The following ELMO1 variants were observed in gnomAD, a reference collection of about 807,000 sequenced individuals.
ELMO1 encodes the protein engulfment and cell motility 1.
In ELMO1, 26 loss-of-function variants were observed where a neutral mutation model predicts 98.9. The ratio of observed to expected loss-of-function variants is 0.26; its 90% confidence interval spans 0.19 to 0.36. ELMO1 has a LOEUF of 0.36. ELMO1 is among the 10% of genes least tolerant of loss of function. The pLI is 1.00. For missense variants in ELMO1, 627 were observed against 935.2 expected, an observed-to-expected ratio of 0.67 and a Z score of 4.30; for synonymous variants, 346 against 346.0, an observed-to-expected ratio of 1.00 and a Z score of 0.00.
chr7:37,254,784 T>G (rs1372049029), intron 6 of ELMO1, among the ~76,000 whole-genome samples: 1 of 152,242 alleles, frequency 6.6e-6, no homozygotes, highest in Non-Finnish European at 1.5e-5. Context: ...AGTTAAGATA[T>G]TAATGAGTGT....
chr7:36,891,568 CAG>C (rs1384325977), intron 17 of ELMO1, among the ~76,000 whole-genome samples: 2 of 152,166 alleles, frequency 1.3e-5, no homozygotes, highest in Admixed American at 6.5e-5. Context: ...TACATATCAA[CAG>C]TATCACAACT....
At chr7:37,348,295 A>C (rs1801106178) in intron 1 of ELMO1, among the ~76,000 whole-genome samples, 1 of 152,206 alleles carries the variant, frequency 6.6e-6, no homozygotes, top group African/African-American at 2.4e-5. Context: ...ACTAAAATTT[A>C]AGAACCATTA....
intron 2 of ELMO1, among the ~76,000 whole-genome samples, chr7:37,336,301 G>A (rs1017534001): frequency 1.3e-5 from 2 of 152,092 alleles, no homozygotes; most frequent in Admixed American, 6.5e-5. Context: ...TAATACCTGT[G>A]AGACTCCTTT....
chr7:37,273,285 CT>C (rs781655352), intron 4 of ELMO1, among the ~76,000 whole-genome samples: 11 of 152,202 alleles, frequency 7.2e-5, no homozygotes, highest in Non-Finnish European at 1.5e-4. Flanking sequence ...ACAGAGGGAC[CT>C]TGGGGAAGGC....
intron 12 of ELMO1, 104 bp downstream of exon 12, chr7:37,213,231 T>C: frequency 7.0e-7 from 1 of 1,426,732 alleles, no homozygotes; most frequent in Non-Finnish European, 9.4e-7. Context: ...AATGACATCA[T>C]ATCAAACTCT....
At chr7:36,926,468 A>AC (rs1174606501) in intron 16 of ELMO1, among the ~76,000 whole-genome samples, 271 of 150,472 alleles carry the variant, frequency 1.8e-3, no homozygotes, top group African/African-American at 5.9e-3. Context: ...TCTTTGTGCG[A>AC]CCCCCCTAGA....
At chr7:37,223,195 G>A (rs1028248808) in intron 9 of ELMO1, among the ~76,000 whole-genome samples, 3 of 152,156 alleles carry the variant, frequency 2.0e-5, no homozygotes, top group Non-Finnish European at 4.4e-5. Flanking sequence ...AAGAACAGGT[G>A]TTTGTTTATA....
At chr7:37,271,358 G>A (rs1796550690) in intron 5 of ELMO1, 1 of 155,326 alleles carries the variant, frequency 6.4e-6, no homozygotes, top group Non-Finnish European at 1.4e-5. Flanking sequence ...GAGTAGGTGG[G>A]TAAAACCAAT....
At chr7:37,245,278 G>A (rs1794942893) in intron 6 of ELMO1, among the ~76,000 whole-genome samples, 1 of 152,126 alleles carries the variant, frequency 6.6e-6, no homozygotes, top group African/African-American at 2.4e-5. Context: ...ATAAGCCTCA[G>A]GACATCTCAC....
chr7:36,959,217 G>A (rs182777443), intron 16 of ELMO1, among the ~76,000 whole-genome samples: 67 of 151,652 alleles, frequency 4.4e-4, no homozygotes, highest in African/African-American at 1.5e-3. Context: ...CTTAGTCTAC[G>A]CCACATCTGC....
chr7:37,389,330 C>A (rs1336541586), intron 1 of ELMO1, among the ~76,000 whole-genome samples: 1 of 152,202 alleles, frequency 6.6e-6, no homozygotes, highest in Non-Finnish European at 1.5e-5. Flanking sequence ...TTAAGCAAAA[C>A]AGCCACATAA....
intron 4 of ELMO1, among the ~76,000 whole-genome samples, chr7:37,298,046 G>C (rs1583489004): frequency 6.6e-6 from 1 of 152,054 alleles, no homozygotes; most frequent in African/African-American, 2.4e-5. Context: ...TGCCTAATCT[G>C]TGTAAATGTT....
chr7:36,932,633 G>A (rs1285477292), intron 16 of ELMO1, among the ~76,000 whole-genome samples: 1 of 152,222 alleles, frequency 6.6e-6, no homozygotes, highest in Non-Finnish European at 1.5e-5. Flanking sequence ...TTCTGTAACT[G>A]AAGAAAAAGC....
At chr7:37,063,050 C>T (rs1166332570) in intron 15 of ELMO1, among the ~76,000 whole-genome samples, 3 of 152,152 alleles carry the variant, frequency 2.0e-5, no homozygotes, top group Non-Finnish European at 4.4e-5. Flanking sequence ...TTAATCCTCC[C>T]GGTAAGAAAA....
chr7:37,332,023 C>A (rs576774439), intron 2 of ELMO1, among the ~76,000 whole-genome samples: 55 of 152,218 alleles, frequency 3.6e-4, no homozygotes, highest in African/African-American at 1.3e-3. Context: ...GAAGAAATGA[C>A]AGCCGGAAAT....
intron 5 of ELMO1, among the ~76,000 whole-genome samples, chr7:37,263,445 C>T (rs541872916): frequency 1.4e-4 from 22 of 152,278 alleles, no homozygotes; most frequent in African/African-American, 5.3e-4. Context: ...GGTTCTCAAC[C>T]TCCTGGGGCT....
chr7:37,282,785 C>G (rs2256445), intron 4 of ELMO1, among the ~76,000 whole-genome samples: 57,318 of 152,084 alleles, frequency 0.38, 11,937 homozygotes, highest in Middle Eastern at 0.53. Context: ...ATTAGAGTGG[C>G]AGCACTTCAT....
chr7:37,418,483 G>T lies in ELMO1; in HGVS notation c.-74+30192C>A, dbSNP rs180766880. 1.4e-4 allele frequency among the ~76,000 whole-genome samples: 21 copies of T among 152,280 alleles called. No homozygotes were observed. The East Asian group carries it at 3.9e-3, about 28-fold the overall frequency. On this transcript the variant is annotated intron_variant, in intron 1 of 21. Transcript: ENST00000310758. ...GCCTGGCCCAGTACATTGCAATAAG[G>T]TAAGGCCCGTAGGGAGATTCCAGAA... is the stretch of plus-strand genomic sequence containing the variant.
At chr7:37,284,063 G>A (rs1797275060) in intron 4 of ELMO1, among the ~76,000 whole-genome samples, 1 of 152,168 alleles carries the variant, frequency 6.6e-6, no homozygotes, top group Admixed American at 6.5e-5. Flanking sequence ...TCGTGGGACA[G>A]GTGCTGTGCT....
Sources: allele counts gnomAD v4.1 joint callset (sites outside exome capture counted in the v4.1 genomes callset), GRCh38; gene constraint gnomAD v4.1.1; transcripts MANE v1.5; gene names NCBI Gene and HGNC (gene_info 2026-07-23, HGNC 2026-07-21).